Variants in FBXL7 observed in about 807,000 individuals in gnomAD.
FBXL7 encodes F-box/LRR-repeat protein 7.
A neutral mutation model predicts 38.3 loss-of-function variants in FBXL7; 12 were observed. The observed-to-expected ratio is 0.31, with a 90% CI of 0.20 to 0.51. The LOEUF (loss-of-function observed/expected upper bound fraction) is 0.51, where lower values mean the gene tolerates loss of function less well. Among genes scored for constraint, FBXL7 ranks in the 20% least tolerant of loss-of-function variants. The probability of loss-of-function intolerance (pLI) is 0.98; values close to 1 mark genes in which losing one functional copy is unlikely to be tolerated. For synonymous variants in FBXL7, 297 were observed against 300.9 expected (o/e 0.99, Z 0.13); for missense variants, 567 against 676.4 (o/e 0.84, Z 1.79).
chr5:15,856,818 C>G (rs1739286844), intron 2 of FBXL7, among the ~76,000 whole-genome samples: 1 of 151,952 alleles, frequency 6.6e-6, no homozygotes, highest in Non-Finnish European at 1.5e-5. Context: ...ACTTCCATGA[C>G]TCCTTCCAAA....
chr5:15,788,251 C>G (rs142090809), intron 2 of FBXL7, among the ~76,000 whole-genome samples: 1 of 152,146 alleles, frequency 6.6e-6, no homozygotes, highest in African/African-American at 2.4e-5. Flanking sequence ...CATCCTGAGG[C>G]TCTGGGTGGA....
chr5:15,574,444 ATTATT>A (rs1305665241), intron 1 of FBXL7, among the ~76,000 whole-genome samples: 1 of 152,230 alleles, frequency 6.6e-6, no homozygotes, highest in Admixed American at 6.5e-5. Context: ...TATGTACTTC[ATTATT>A]TTATGTAGAA....
At chr5:15,557,268 A>T (rs972170106) in intron 1 of FBXL7, among the ~76,000 whole-genome samples, 1 of 152,202 alleles carries the variant, frequency 6.6e-6, no homozygotes, top group Admixed American at 6.5e-5. Flanking sequence ...CCTGAAATAC[A>T]TTCAGGCACA....
At chr5:15,542,456 C>T (rs1190965548) in intron 1 of FBXL7, among the ~76,000 whole-genome samples, 1 of 152,086 alleles carries the variant, frequency 6.6e-6, no homozygotes, top group Non-Finnish European at 1.5e-5. Context: ...CTTCTATAAG[C>T]CTGCAATAAC....
intron 1 of FBXL7, among the ~76,000 whole-genome samples, chr5:15,504,480 A>G (rs1157002018): frequency 6.6e-6 from 1 of 152,136 alleles, no homozygotes; most frequent in Admixed American, 6.5e-5. Context: ...TTCTCCATAG[A>G]TCAAAGGTAT....
intron 2 of FBXL7, among the ~76,000 whole-genome samples, chr5:15,920,608 C>T (rs1207916055): frequency 6.6e-6 from 1 of 152,096 alleles, no homozygotes; most frequent in Non-Finnish European, 1.5e-5. Context: ...GCAACCTCCA[C>T]CTCCTGGGTT....
intron 2 of FBXL7, among the ~76,000 whole-genome samples, chr5:15,750,918 T>C (rs1419885596): frequency 1.3e-5 from 2 of 152,228 alleles, no homozygotes; most frequent in African/African-American, 4.8e-5. Context: ...ACACTTGGTC[T>C]ACCTTTGACA....
intron 2 of FBXL7, among the ~76,000 whole-genome samples, chr5:15,663,787 G>T (rs1742170921): frequency 6.6e-6 from 1 of 152,058 alleles, no homozygotes; most frequent in Admixed American, 6.6e-5. Context: ...CTTTATTATT[G>T]TGTGTTTGTG....
intron 2 of FBXL7, among the ~76,000 whole-genome samples, chr5:15,912,974 A>G (rs376524604): frequency 6.6e-6 from 1 of 152,204 alleles, no homozygotes; most frequent in South Asian, 2.1e-4. Context: ...GACCCTTAGC[A>G]GAGAAATTAA....
intron 2 of FBXL7, among the ~76,000 whole-genome samples, chr5:15,665,653 A>G (rs1199643551): frequency 6.6e-6 from 1 of 152,192 alleles, no homozygotes; most frequent in African/African-American, 2.4e-5. Flanking sequence ...AATTAGCCCA[A>G]AATAAAAATA....
intron 2 of FBXL7, among the ~76,000 whole-genome samples, chr5:15,674,699 A>G (rs969235579): frequency 6.6e-6 from 1 of 152,210 alleles, no homozygotes; most frequent in Non-Finnish European, 1.5e-5. Flanking sequence ...TCCCCCTAAA[A>G]TTGGGTTAGA....
intron 2 of FBXL7, among the ~76,000 whole-genome samples, chr5:15,724,263 T>A (rs1031484004): frequency 6.6e-6 from 1 of 152,178 alleles, no homozygotes; most frequent in Admixed American, 6.5e-5. Context: ...TTTAAAAAAA[T>A]GTTTATTTCA....
At chr5:15,598,647 ACT>A (rs752032451) in intron 1 of FBXL7, among the ~76,000 whole-genome samples, 13 of 151,290 alleles carry the variant, frequency 8.6e-5, no homozygotes, top group Admixed American at 2.0e-4. Context: ...GAAATTGTTG[ACT>A]CTCCTTTGTA....
chr5:15,816,467 T>A (rs1189371115), intron 2 of FBXL7, among the ~76,000 whole-genome samples: 1 of 151,954 alleles, frequency 6.6e-6, no homozygotes, highest in African/African-American at 2.4e-5. Flanking sequence ...CAGAGTGGTA[T>A]AATGGACATT....
chr5:15,712,961 C>T (rs1743924117), intron 2 of FBXL7, among the ~76,000 whole-genome samples: 1 of 152,190 alleles, frequency 6.6e-6, no homozygotes, highest in East Asian at 1.9e-4. Flanking sequence ...AGGTCTCCCA[C>T]ATCTGTCACC....
At chr5:15,607,469 T>C (rs1740065842) in intron 1 of FBXL7, 2 of 152,174 alleles carry the variant, frequency 1.3e-5, no homozygotes, top group South Asian at 4.1e-4. Context: ...TGTCATAATA[T>C]TAATAAATTA....
At chr5:15,506,270 C>G (rs555762837) in intron 1 of FBXL7, among the ~76,000 whole-genome samples, 130 of 152,012 alleles carry the variant, frequency 8.6e-4, no homozygotes, top group African/African-American at 3.1e-3. Context: ...AATCCCTCCA[C>G]AGTCAATTCG....
chr5:15,687,366 A>G (rs555244742), intron 2 of FBXL7, among the ~76,000 whole-genome samples: 4 of 152,306 alleles, frequency 2.6e-5, no homozygotes, highest in African/African-American at 9.6e-5. Context: ...AGTGAAAGAC[A>G]TTTGAGGTGG....
intron 1 of FBXL7, among the ~76,000 whole-genome samples, chr5:15,595,154 C>T (rs1482661372): frequency 6.6e-6 from 1 of 152,100 alleles, no homozygotes; most frequent in African/African-American, 2.4e-5. Flanking sequence ...AGAAAATATA[C>T]ATAAAAACAA....
Sources: allele counts gnomAD v4.1 joint callset (sites outside exome capture counted in the v4.1 genomes callset), GRCh38; gene constraint gnomAD v4.1.1; transcripts MANE v1.5; gene names NCBI Gene and HGNC (gene_info 2026-07-23, HGNC 2026-07-21).